Variants in SLC24A2 observed in about 807,000 individuals in gnomAD.
SLC24A2 encodes sodium/potassium/calcium exchanger 2.
SLC24A2 carries 36 observed loss-of-function variants against 62.0 expected under a neutral mutation model. The ratio of observed to expected loss-of-function variants is 0.58; its 90% CI spans 0.44 to 0.77. The LOEUF is 0.77. Ranked by LOEUF, SLC24A2 falls within the 30% of genes least tolerant of loss-of-function variation. The pLI is 0.00. For missense variants in SLC24A2, 846 were observed against 817.9 expected (o/e 1.03, Z -0.42); for synonymous variants, 358 against 294.0 (o/e 1.22, Z -2.23).
At chr9:19,995,818 T>C in the SLC24A2 span, among the ~76,000 whole-genome samples, 1 of 152,214 alleles carries the variant, frequency 6.6e-6, no homozygotes. Flanking sequence ...CATTTCCTGA[T>C]GTTCAACAGA....
chr9:19,542,361 A>G (rs1457078690), intron 8 of SLC24A2, among the ~76,000 whole-genome samples: 1 of 152,154 alleles, frequency 6.6e-6, no homozygotes, highest in Non-Finnish European at 1.5e-5. Flanking sequence ...GAGTTTTCTA[A>G]ATATACAATC....
the SLC24A2 span, among the ~76,000 whole-genome samples, chr9:20,293,571 C>G: frequency 6.6e-6 from 1 of 152,216 alleles, no homozygotes; most frequent in African/African-American, 2.4e-5. Flanking sequence ...TATTACCACC[C>G]TCACTCTGGT....
At chr9:19,844,746 C>T in the SLC24A2 span, among the ~76,000 whole-genome samples, 1 of 152,070 alleles carries the variant, frequency 6.6e-6, no homozygotes, top group Non-Finnish European at 1.5e-5. Flanking sequence ...GGCTAACCAG[C>T]TATTCCAGCA....
the SLC24A2 span, among the ~76,000 whole-genome samples, chr9:19,893,989 A>C: frequency 6.6e-6 from 1 of 152,204 alleles, no homozygotes; most frequent in Non-Finnish European, 1.5e-5. Flanking sequence ...GACAAACACT[A>C]CTTCTACTTG....
intron 5 of SLC24A2, among the ~76,000 whole-genome samples, chr9:19,588,514 C>T (rs1482721096): frequency 2.6e-5 from 4 of 152,106 alleles, no homozygotes; most frequent in African/African-American, 4.8e-5. Context: ...AGGTCAAATA[C>T]CTCTACCATA....
At chr9:20,258,768 C>T in the SLC24A2 span, among the ~76,000 whole-genome samples, 2 of 92,290 alleles carry the variant, frequency 2.2e-5, no homozygotes, top group African/African-American at 4.2e-5. Flanking sequence ...TCTCATTTAT[C>T]TATCTATCTA....
chr9:19,584,919 TA>T (rs1836324532), intron 5 of SLC24A2, among the ~76,000 whole-genome samples: 3 of 152,294 alleles, frequency 2.0e-5, no homozygotes, highest in Middle Eastern at 6.8e-3. Flanking sequence ...AAGTATTTTG[TA>T]AAGTGTCTTT....
the SLC24A2 span, among the ~76,000 whole-genome samples, chr9:20,193,979 G>A: frequency 2.6e-5 from 4 of 152,006 alleles, no homozygotes; most frequent in Non-Finnish European, 5.9e-5. Flanking sequence ...AAGTAGCACA[G>A]GAATAGAATC....
At chr9:20,271,057 C>T in the SLC24A2 span, among the ~76,000 whole-genome samples, 1 of 152,150 alleles carries the variant, frequency 6.6e-6, no homozygotes, top group Non-Finnish European at 1.5e-5. Context: ...CACAAAGCAG[C>T]ACCATCCTCT....
At chr9:20,085,708 C>T in the SLC24A2 span, among the ~76,000 whole-genome samples, 7 of 152,282 alleles carry the variant, frequency 4.6e-5, no homozygotes, top group South Asian at 6.2e-4. Context: ...TATTTGAATG[C>T]TAACTATGCT....
chr9:20,080,848 A>T, the SLC24A2 span, among the ~76,000 whole-genome samples: 3 of 152,160 alleles, frequency 2.0e-5, no homozygotes, highest in African/African-American at 7.2e-5. Context: ...AAAAGAAGAC[A>T]TTTATGCAGC....
chr9:19,887,395 T>A, the SLC24A2 span, among the ~76,000 whole-genome samples: 1 of 152,084 alleles, frequency 6.6e-6, no homozygotes, highest in African/African-American at 2.4e-5. Context: ...GCTGTACAGA[T>A]GAATGGGCAA....
chr9:19,854,422 A>G, the SLC24A2 span, among the ~76,000 whole-genome samples: 3 of 152,038 alleles, frequency 2.0e-5, no homozygotes, highest in African/African-American at 2.4e-5. Context: ...CTTTTTTTAC[A>G]TGAGCATTTG....
intron 2 of SLC24A2, among the ~76,000 whole-genome samples, chr9:19,764,918 T>G (rs1822464832): frequency 6.6e-6 from 1 of 152,192 alleles, no homozygotes; most frequent in African/African-American, 2.4e-5. Context: ...ACTATTACTG[T>G]GTGGGAGTCT....
chr9:20,038,146 A>G, the SLC24A2 span, among the ~76,000 whole-genome samples: 3 of 152,300 alleles, frequency 2.0e-5, no homozygotes, highest in African/African-American at 4.8e-5. Context: ...ATATTCCCAT[A>G]TAATTAGAGG....
At chr9:19,916,869 C>A in the SLC24A2 span, among the ~76,000 whole-genome samples, 3 of 150,056 alleles carry the variant, frequency 2.0e-5, no homozygotes, top group Non-Finnish European at 4.4e-5. Flanking sequence ...ATCACTGGGT[C>A]AAAAATTTTA....
At chr9:19,731,353 A>G (rs1007727604) in intron 2 of SLC24A2, among the ~76,000 whole-genome samples, 2 of 152,236 alleles carry the variant, frequency 1.3e-5, no homozygotes, top group African/African-American at 4.8e-5. Context: ...CCCCACCCAC[A>G]TTCAAATGTT....
intron 2 of SLC24A2, among the ~76,000 whole-genome samples, chr9:19,720,774 T>C (rs1159319305): frequency 2.7e-5 from 4 of 146,416 alleles, no homozygotes; most frequent in Non-Finnish European, 4.5e-5. Flanking sequence ...AACACTTAAA[T>C]AGAAACTCAT....
chr9:19,846,891 G>T, the SLC24A2 span, among the ~76,000 whole-genome samples: 3 of 151,938 alleles, frequency 2.0e-5, no homozygotes, highest in Non-Finnish European at 2.9e-5. Context: ...GCATGGTGGT[G>T]CATGCCTGTG....
Sources: allele counts gnomAD v4.1 joint callset (sites outside exome capture counted in the v4.1 genomes callset), GRCh38; gene constraint gnomAD v4.1.1; transcripts MANE v1.5; gene names NCBI Gene and HGNC (gene_info 2026-07-23, HGNC 2026-07-21).